Variants in RXFP2 observed in about 807,000 individuals in gnomAD.
The protein encoded by RXFP2 is relaxin receptor 2.
In RXFP2, 68 loss-of-function variants were observed where a neutral mutation model predicts 88.6. That is an observed-to-expected ratio of 0.77 (90% CI 0.63 to 0.94). The LOEUF (loss-of-function observed/expected upper bound fraction) is 0.94, where lower values mean the gene tolerates loss of function less well. RXFP2 is among the 40% of genes least tolerant of loss of function. The pLI, the probability that RXFP2 is intolerant of heterozygous loss-of-function variation, is 0.00. For missense variants in RXFP2, 791 were observed against 893.9 expected (o/e 0.88, Z 1.47); for synonymous variants, 329 against 306.8 (o/e 1.07, Z -0.76).
intron 17 of RXFP2, among the ~76,000 whole-genome samples, chr13:31,798,749 C>G (rs1375608328): frequency 6.6e-6 from 1 of 152,152 alleles, no homozygotes; most frequent in African/African-American, 2.4e-5. Flanking sequence ...GCTTTGTTTT[C>G]TATGCTTTTC....
intron 9 of RXFP2, among the ~76,000 whole-genome samples, chr13:31,780,487 G>A (rs1873215026): frequency 2.0e-5 from 3 of 152,170 alleles, no homozygotes; most frequent in African/African-American, 7.2e-5. Context: ...TGTGAAAAAT[G>A]TACATCTCAA....
At chr13:31,800,916 C>T (rs1434440344) in intron 17 of RXFP2, among the ~76,000 whole-genome samples, 3 of 151,492 alleles carry the variant, frequency 2.0e-5, no homozygotes, top group African/African-American at 7.3e-5. Flanking sequence ...TTTCATATTC[C>T]TTTCAGTTAA....
chr13:31,798,155 G>A (rs1288794873), intron 17 of RXFP2, among the ~76,000 whole-genome samples: 1 of 152,196 alleles, frequency 6.6e-6, no homozygotes, highest in Admixed American at 6.5e-5. Flanking sequence ...TGACTCCTCA[G>A]TGTCAAGCAG....
At chr13:31,796,014 T>A in intron 16 of RXFP2, among the ~76,000 whole-genome samples, 1 of 148,046 alleles carries the variant, frequency 6.8e-6, no homozygotes, top group Non-Finnish European at 1.5e-5. Context: ...TAAACAAAAA[T>A]ACATTTTTGT....
intron 1 of RXFP2, 93 bp downstream of exon 1, chr13:31,739,799 G>T (rs1248149742): frequency 3.6e-6 from 3 of 831,318 alleles, no homozygotes; most frequent in Non-Finnish European, 6.1e-6. Context: ...ATATATTGGG[G>T]TGTTTAAAAA....
chr13:31,787,531 A>G (rs528633292), intron 13 of RXFP2, among the ~76,000 whole-genome samples: 1 of 152,254 alleles, frequency 6.6e-6, no homozygotes, highest in Non-Finnish European at 1.5e-5. Flanking sequence ...CTGAAAGCCA[A>G]AATACCAAGT....
chr13:31,748,688 T>C (rs929124142), intron 1 of RXFP2, among the ~76,000 whole-genome samples: 5 of 152,144 alleles, frequency 3.3e-5, no homozygotes, highest in African/African-American at 9.7e-5. Flanking sequence ...ATGATGACTT[T>C]TTTTAAAAGA....
chr13:31,778,803 C>T lies in RXFP2; in HGVS notation c.785+220C>T, dbSNP rs1033218346. Among the ~76,000 whole-genome samples the T allele has an allele frequency of 2.0e-5, 3 of 152,164 alleles. No homozygotes were observed. The South Asian group carries it at 6.2e-4, about 31-fold the overall frequency. ...GCATCCAAGACCCTCATTTTCCATTCCTTACCCCATCTAGATGCTATCCCT... is the reference window on the plus strand; with the variant it reads ...GCATCCAAGACCCTCATTTTCCATTTCTTACCCCATCTAGATGCTATCCCT... On this transcript the variant is annotated intron_variant, in intron 9 of 17. Coordinates refer to ENST00000298386, the MANE Select transcript of RXFP2 (RefSeq NM_130806.5).
chr13:31,759,174 G>A (rs1010863267), intron 2 of RXFP2, among the ~76,000 whole-genome samples: 8 of 151,702 alleles, frequency 5.3e-5, no homozygotes, highest in African/African-American at 1.5e-4. Flanking sequence ...TGAGCTCAAG[G>A]GAGACAAGTG....
At chr13:31,761,505 G>A (rs1438858341) in intron 2 of RXFP2, among the ~76,000 whole-genome samples, 5 of 152,088 alleles carry the variant, frequency 3.3e-5, no homozygotes, top group African/African-American at 4.8e-5. Flanking sequence ...TACTTGCATT[G>A]CAAATTTTAT....
intron 1 of RXFP2, among the ~76,000 whole-genome samples, chr13:31,749,674 G>T (rs950900920): frequency 3.9e-5 from 6 of 152,074 alleles, no homozygotes; most frequent in Non-Finnish European, 5.9e-5. Context: ...GTAGTAAAAG[G>T]TGTGATTTTT....
intron 1 of RXFP2, among the ~76,000 whole-genome samples, chr13:31,747,995 A>C (rs1487051487): frequency 1.3e-5 from 2 of 152,248 alleles, no homozygotes; most frequent in Non-Finnish European, 2.9e-5. Context: ...AATACAAGAT[A>C]ATTGTAAAAA....
At position 31,802,563 on chromosome 13, in the gene RXFP2, C is replaced by G; in HGVS notation, c.*158C>G. 1.2e-6 allele frequency: 1 copy of G among 811,222 alleles called. No homozygotes were observed. The highest frequency in any genetic ancestry group is 1.4e-5 in the South Asian group (1 of 69,270). The allele number at this position is 811,222 out of a possible 1,614,324, so 50.3% of individuals were successfully genotyped here. A position where few individuals can be genotyped will look rare whatever the true frequency, so the allele number is the denominator to read the frequency against. On this transcript the variant is annotated 3_prime_UTR_variant, in exon 18 of 18. Coordinates refer to ENST00000298386, the MANE Select transcript of RXFP2 (RefSeq NM_130806.5). Reference sequence around the variant, plus strand: ...TCCTGTCACTGCATTCCAATGGCAGCTGTACTATCTACCAACCATGCTGAG... The same window carrying G: ...TCCTGTCACTGCATTCCAATGGCAGGTGTACTATCTACCAACCATGCTGAG...
chr13:31,792,063 T>G, intron 15 of RXFP2, 28 bp downstream of exon 15: 1 of 1,493,544 alleles, frequency 6.7e-7, no homozygotes, highest in Non-Finnish European at 9.3e-7. Context: ...ATAAGTAGAT[T>G]AAGGATATCT....
rs370425039 is a variant in RXFP2 at position 31,786,474 on chromosome 13, A to G, written c.1001+20A>G. The G allele has an allele frequency of 3.2e-6, 5 of 1,583,566 alleles. No individual in the cohort carries two copies. The highest frequency in any genetic ancestry group is 2.7e-5 in the African/African-American group (2 of 74,204). Reference sequence around the variant, plus strand: ...AAAGCTGTAAGTTCTACTTCTCACCATAATCAGATTTAAAGGGCAATATTT... The same window carrying G: ...AAAGCTGTAAGTTCTACTTCTCACCGTAATCAGATTTAAAGGGCAATATTT... On this transcript the variant is annotated intron_variant, in intron 12 of 17. Transcript: ENST00000298386.
At chr13:31,746,296 T>A (rs1193454130) in intron 1 of RXFP2, among the ~76,000 whole-genome samples, 1 of 152,220 alleles carries the variant, frequency 6.6e-6, no homozygotes, top group East Asian at 1.9e-4. Flanking sequence ...TTTTGTTATA[T>A]TCTTTGTATG....
intron 11 of RXFP2, among the ~76,000 whole-genome samples, chr13:31,784,992 G>A (rs539572206): frequency 1.3e-4 from 20 of 152,178 alleles, no homozygotes; most frequent in East Asian, 1.2e-3. Flanking sequence ...TCCATAACCC[G>A]GAGTAAATGA....
At chr13:31,774,536 G>A (rs1872859041) in intron 5 of RXFP2, 84 bp from the exon 6 acceptor site, 1 of 795,246 alleles carries the variant, frequency 1.3e-6, no homozygotes, top group Non-Finnish European at 2.3e-6. Context: ...TTGTCTTCAG[G>A]TAAAGAAAGT....
In RXFP2 at chr13:31,772,449, T is replaced by C. The variant is rs185640289; in HGVS notation, c.498-2171T>C. Among the ~76,000 whole-genome samples, 3 of 152,360 alleles carry C rather than the reference T, an allele frequency of 2.0e-5. No individual in the cohort carries two copies. In the East Asian group the frequency reaches 5.8e-4, roughly 29 times the overall value. ...TGACAGCTGAAACTGCAGGAATTCATGAACCTGTAAGTTATCCTTAGAAAA... is the reference window on the plus strand; with the variant it reads ...TGACAGCTGAAACTGCAGGAATTCACGAACCTGTAAGTTATCCTTAGAAAA... On this transcript the variant is annotated intron_variant, in intron 5 of 17. Coordinates refer to ENST00000298386, the MANE Select transcript of RXFP2 (RefSeq NM_130806.5).
Sources: gnomAD v4.1 joint callset for allele counts (sites outside exome capture counted in the v4.1 genomes callset) on GRCh38, gnomAD v4.1.1 for gene constraint, MANE v1.5 for transcripts, NCBI Gene and HGNC (gene_info 2026-07-23, HGNC 2026-07-21) for gene names.